The following FRAS1 variants were observed in gnomAD, a reference collection of about 807,000 sequenced individuals.
FRAS1 encodes extracellular matrix organizing protein FRAS1.
In FRAS1, 290 loss-of-function variants were observed where a neutral mutation model predicts 435.2. That is an observed-to-expected ratio of 0.67 (90% confidence interval 0.61 to 0.73). FRAS1 has a LOEUF of 0.73. Ranked by LOEUF, FRAS1 falls within the 30% of genes least tolerant of loss-of-function variation. The probability of loss-of-function intolerance (pLI) is 0.00; values close to 1 mark genes in which losing one functional copy is unlikely to be tolerated. For synonymous variants in FRAS1, 1,800 were observed against 1,851.0 expected, an observed-to-expected ratio of 0.97 and a Z score of 0.71; for missense variants, 4,860 against 5,001.5, an observed-to-expected ratio of 0.97 and a Z score of 0.85.
chr4:78,528,426 A>G (rs915424804), intron 70 of FRAS1, among the ~76,000 whole-genome samples: 9 of 152,192 alleles, frequency 5.9e-5, no homozygotes, highest in Non-Finnish European at 1.2e-4. Flanking sequence ...CACATCATCC[A>G]TTCCCTTTCT....
rs764832667 is a variant in FRAS1, at chr4:78,058,083, A to C, written c.74A>C (p.Glu25Ala). The C allele has an allele frequency of 6.2e-7, 1 of 1,612,924 alleles. No homozygotes were observed. Among genetic ancestry groups the C allele is most frequent in the Non-Finnish European group, 8.5e-7 (1 of 1,179,538 alleles). ...TTTGCAGTATTGCCTCATCATTCCG[A>C]AGGTGAGAGAGCGGTGCCGCGTGTG... ...AEFAVLPHHS[E>A]GACVYQDSLL... is the part of the protein sequence containing the mutation. The change falls in exon 1 of 74, where the codon GAA becomes GCA. Residue 25 changes from glutamate to alanine, a missense_variant and splice_region_variant. Glu to Ala is a moderately radical substitution (Grantham distance 107, BLOSUM62 -1). Coordinates refer to ENST00000512123, the MANE Select transcript of FRAS1 (RefSeq NM_025074.7).
At chr4:78,277,460 C>A (rs962655400) in intron 9 of FRAS1, among the ~76,000 whole-genome samples, 4 of 152,016 alleles carry the variant, frequency 2.6e-5, no homozygotes, top group African/African-American at 4.8e-5. Flanking sequence ...TTGGAACCGC[C>A]CCCCCCATTC....
At position 78,466,251 on chromosome 4, in the gene FRAS1, G is replaced by C. The variant is rs754762561; in HGVS notation, c.7073G>C (p.Gly2358Ala). 5.0e-6 allele frequency: 8 copies of C among 1,613,772 alleles called. No homozygotes were observed. In the African/African-American group the frequency reaches 1.1e-4, roughly 22 times the overall value. The change falls in exon 50 of 74, where the codon GGC becomes GCC. Residue 2358 changes from glycine to alanine, a missense_variant. Transcript: ENST00000512123. ...TFTIVQPPRHGTIERTSNGQH... is the reference protein window; with the variant it reads ...TFTIVQPPRHATIERTSNGQH... ...ACCATCGTGCAGCCTCCACGCCATG[G>C]CACCATCGAGCGAACCAGCAATGGG...
Position 78,450,299 on chromosome 4 carries a change from A to G in FRAS1, c.6423A>G (p.Lys2141=). The change falls in exon 45 of 74, where the codon AAA becomes AAG. Residue 2141 remains lysine, a synonymous_variant. Coordinates refer to ENST00000512123, the MANE Select transcript of FRAS1 (RefSeq NM_025074.7). ...GCAACCTGGAGCAAATTTCTATTAAAGGCCCCATCCGAAGTTTCACCCAGG... is the reference window on the plus strand; with the variant it reads ...GCAACCTGGAGCAAATTTCTATTAAGGGCCCCATCCGAAGTTTCACCCAGG... The part of the protein sequence containing the change: ...KHGNLEQISI[K]GPIRSFTQAD... 6.2e-7 allele frequency: 1 copy of G among 1,613,866 alleles called. No homozygotes were observed. Among genetic ancestry groups the G allele is most frequent in the Non-Finnish European group, 8.5e-7 (1 of 1,179,810 alleles).
chr4:78,343,940 A>C (rs944509040), intron 20 of FRAS1, among the ~76,000 whole-genome samples: 8 of 152,188 alleles, frequency 5.3e-5, no homozygotes, highest in Non-Finnish European at 8.8e-5. Context: ...CTGCTTCTGC[A>C]GTTATAAATG....
At chr4:78,111,695 A>G (rs1432006275) in intron 2 of FRAS1, among the ~76,000 whole-genome samples, 9 of 129,760 alleles carry the variant, frequency 6.9e-5, no homozygotes, top group African/African-American at 2.7e-4. Flanking sequence ...TGGCACATGT[A>G]TACATATGTA....
At chr4:78,496,703 C>G (rs1720517093) in intron 59 of FRAS1, 102 bp from the exon 60 acceptor site, 5 of 1,115,932 alleles carry the variant, frequency 4.5e-6, no homozygotes, top group Middle Eastern at 2.4e-4. Context: ...TTTGTGTGGA[C>G]TTTTTGATGC....
intron 31 of FRAS1, 79 bp from the exon 32 acceptor site, chr4:78,412,890 A>T: frequency 1.4e-6 from 1 of 704,242 alleles, no homozygotes; most frequent in Non-Finnish European, 2.3e-6. Context: ...CAGCTGGCTT[A>T]AAAGAGGGAA....
intron 70 of FRAS1, among the ~76,000 whole-genome samples, chr4:78,531,582 CCT>C (rs1432456299): frequency 5.3e-5 from 8 of 152,080 alleles, no homozygotes; most frequent in Admixed American, 3.9e-4. Context: ...GCCTTTTCTT[CCT>C]CTCGCCTATT....
At chr4:78,364,571 G>A (rs1192458993) in intron 22 of FRAS1, among the ~76,000 whole-genome samples, 4 of 152,108 alleles carry the variant, frequency 2.6e-5, no homozygotes, top group African/African-American at 9.7e-5. Flanking sequence ...ACTTGTATGG[G>A]AGTTACTTAT....
chr4:78,227,823 G>A (rs1227062949), intron 2 of FRAS1, among the ~76,000 whole-genome samples: 1 of 152,174 alleles, frequency 6.6e-6, no homozygotes. Flanking sequence ...ATTTTCAAGG[G>A]CAGCATGTTG....
intron 9 of FRAS1, among the ~76,000 whole-genome samples, chr4:78,276,496 G>A (rs945675152): frequency 6.6e-6 from 1 of 152,170 alleles, no homozygotes; most frequent in Non-Finnish European, 1.5e-5. Context: ...GGGTTTTGGT[G>A]TGGATGTCCT....
At chr4:78,441,366 C>T (rs1734652365) in intron 41 of FRAS1, 69 bp downstream of exon 41, 1 of 1,429,426 alleles carries the variant, frequency 7.0e-7, no homozygotes, top group Non-Finnish European at 9.6e-7. Flanking sequence ...GACCTTGCTT[C>T]CAGCTAAAGA....
intron 2 of FRAS1, among the ~76,000 whole-genome samples, chr4:78,218,324 G>C: frequency 6.6e-6 from 1 of 151,548 alleles, no homozygotes; most frequent in Non-Finnish European, 1.5e-5. Context: ...CTCTTTTTGT[G>C]CATAGAGGGT....
At chr4:78,306,998 A>G (rs915875917) in intron 14 of FRAS1, among the ~76,000 whole-genome samples, 3 of 152,008 alleles carry the variant, frequency 2.0e-5, no homozygotes, top group Non-Finnish European at 4.4e-5. Flanking sequence ...TCGTGGTTTT[A>G]TCTACTTTTG....
chr4:78,522,437 A>G lies in FRAS1; in HGVS notation c.10649-212A>G, dbSNP rs184376636. Among the ~76,000 whole-genome samples, 52 of 152,308 alleles carry G rather than the reference A, an allele frequency of 3.4e-4. 1 individual carries two copies. The East Asian group carries it at 6.6e-3, about 19-fold the overall frequency. On this transcript the variant is annotated intron_variant, in intron 68 of 73. Coordinates refer to ENST00000512123, the MANE Select transcript of FRAS1 (RefSeq NM_025074.7). ...TGTTTATAAATAAATACCTATGACT[A>G]TGATGACCATCACAAGTAGGACGAT... is the stretch of plus-strand genomic sequence containing the variant.
At chr4:78,304,364 G>A (rs1436875309) in intron 14 of FRAS1, among the ~76,000 whole-genome samples, 1 of 152,162 alleles carries the variant, frequency 6.6e-6, no homozygotes, top group Non-Finnish European at 1.5e-5. Flanking sequence ...AATGATGCTG[G>A]CCTCATAAAA....
At chr4:78,388,331 C>CAAAAAAAAAAAAAAAAAAAAAAAAACA (rs71661163) in intron 29 of FRAS1, among the ~76,000 whole-genome samples, 1 of 93,226 alleles carries the variant, frequency 1.1e-5, no homozygotes. Context: ...TCTCAAAAAC[C>CAAAAAAAAAAAAAAAAAAAAAAAAACA]AAAAAAAAAA....
intron 14 of FRAS1, among the ~76,000 whole-genome samples, chr4:78,307,611 C>G (rs566764409): frequency 1.3e-5 from 2 of 152,186 alleles, no homozygotes; most frequent in Non-Finnish European, 2.9e-5. Context: ...GGGAGTGACC[C>G]GATTTTCCAG....
Sources: allele counts gnomAD v4.1 joint callset (sites outside exome capture counted in the v4.1 genomes callset), GRCh38; gene constraint gnomAD v4.1.1; transcripts MANE v1.5; gene names NCBI Gene and HGNC (gene_info 2026-07-23, HGNC 2026-07-21).